The following ASAP1 variants were observed in gnomAD, a reference collection of about 807,000 sequenced individuals.
ASAP1 encodes the protein arf-GAP with SH3 domain, ANK repeat and PH domain-containing protein 1.
ASAP1 carries 43 observed loss-of-function variants against 145.2 expected under a neutral mutation model. The ratio of observed to expected loss-of-function variants is 0.30; its 90% CI spans 0.23 to 0.38. The LOEUF is 0.38. Ranked by LOEUF, ASAP1 falls within the 10% of genes least tolerant of loss-of-function variation. The pLI is 1.00. For synonymous variants in ASAP1, 546 were observed against 515.5 expected, an observed-to-expected ratio of 1.06 and a Z score of -0.80; for missense variants, 1,018 against 1,355.3, an observed-to-expected ratio of 0.75 and a Z score of 3.91.
At chr8:130,247,373 A>C (rs1433848819) in intron 3 of ASAP1, among the ~76,000 whole-genome samples, 2 of 152,184 alleles carry the variant, frequency 1.3e-5, no homozygotes, top group Non-Finnish European at 2.9e-5. Context: ...ACAGATAAGA[A>C]AATTGAACAT....
chr8:130,108,104 C>T (rs938774482), intron 24 of ASAP1, among the ~76,000 whole-genome samples: 1 of 152,226 alleles, frequency 6.6e-6, no homozygotes, highest in Non-Finnish European at 1.5e-5. Context: ...CCTTCAACAA[C>T]AAGCATCTAT....
chr8:130,426,388 A>G (rs1829917913), intron 1 of ASAP1, among the ~76,000 whole-genome samples: 2 of 151,726 alleles, frequency 1.3e-5, no homozygotes, highest in Non-Finnish European at 2.9e-5. Context: ...TAGCAGTGTG[A>G]GCATAAACTA....
At chr8:130,209,232 C>T (rs1468686597) in intron 5 of ASAP1, among the ~76,000 whole-genome samples, 1 of 152,114 alleles carries the variant, frequency 6.6e-6, no homozygotes, top group Non-Finnish European at 1.5e-5. Context: ...AGTACTTTCC[C>T]CATTCTACTA....
At chr8:130,205,859 G>C (rs991397408) in intron 5 of ASAP1, among the ~76,000 whole-genome samples, 28 of 152,084 alleles carry the variant, frequency 1.8e-4, no homozygotes, top group African/African-American at 6.3e-4. Context: ...TCTGAATTTT[G>C]AAACAAATCT....
At chr8:130,413,556 G>A (rs988486826) in intron 1 of ASAP1, among the ~76,000 whole-genome samples, 1 of 152,154 alleles carries the variant, frequency 6.6e-6, no homozygotes, top group Non-Finnish European at 1.5e-5. Context: ...GTATATCTAA[G>A]AAATGTTCAA....
At chr8:130,281,740 T>C (rs368552608) in intron 3 of ASAP1, among the ~76,000 whole-genome samples, 23 of 152,346 alleles carry the variant, frequency 1.5e-4, no homozygotes, top group Admixed American at 6.5e-4. Flanking sequence ...TTATATTACA[T>C]TGGTGCAAAA....
At chr8:130,325,239 G>A (rs1299911078) in intron 3 of ASAP1, among the ~76,000 whole-genome samples, 2 of 152,144 alleles carry the variant, frequency 1.3e-5, no homozygotes, top group African/African-American at 4.8e-5. Context: ...ACTAGGAGGA[G>A]AGCTGAACAA....
chr8:130,341,610 GTC>G (rs1825385880), intron 3 of ASAP1, among the ~76,000 whole-genome samples: 2 of 152,282 alleles, frequency 1.3e-5, no homozygotes, highest in East Asian at 3.9e-4. Context: ...CTCTTAAGTA[GTC>G]TCTGTTTCCA....
At chr8:130,229,523 C>T (rs1347219929) in intron 4 of ASAP1, among the ~76,000 whole-genome samples, 1 of 152,098 alleles carries the variant, frequency 6.6e-6, no homozygotes, top group Non-Finnish European at 1.5e-5. Context: ...GTTTAAGGCT[C>T]AAAGGTGGTC....
intron 1 of ASAP1, among the ~76,000 whole-genome samples, chr8:130,440,929 G>A (rs1258761451): frequency 6.6e-6 from 1 of 152,172 alleles, no homozygotes; most frequent in Non-Finnish European, 1.5e-5. Flanking sequence ...ATCTGTTAGA[G>A]GTTGTTTCTT....
At chr8:130,307,476 T>A (rs1210472474) in intron 3 of ASAP1, among the ~76,000 whole-genome samples, 1 of 152,176 alleles carries the variant, frequency 6.6e-6, no homozygotes, top group Non-Finnish European at 1.5e-5. Context: ...TTGTTCCTCC[T>A]CCAGTGATTC....
rs765983151 is a variant in ASAP1, at chr8:130,116,963, T to C, written c.1913A>G (p.Asn638Ser). ...CATACTACAGTAGTGTAGAACTGTG[T>C]TTCCCAGGGCCGTCTGCTTATCCAG... ...GNLDKQTALG[N>S]TVLHYCSMYS... Residue 638 changes from asparagine to serine, a missense_variant, in exon 21 of 30, where the codon AAC (asparagine) becomes AGC (serine). By Grantham distance (46) the Asn-to-Ser change is conservative (BLOSUM62 1). Transcript: ENST00000518721. 3 of 1,612,216 alleles carry C rather than the reference T, an allele frequency of 1.9e-6. No individual in the cohort carries two copies. In the South Asian group the frequency reaches 3.3e-5, roughly 18 times the overall value.
At chr8:130,182,233 T>G (rs889274112) in intron 7 of ASAP1, among the ~76,000 whole-genome samples, 4 of 152,236 alleles carry the variant, frequency 2.6e-5, no homozygotes, top group Non-Finnish European at 5.9e-5. Context: ...CATACATGTC[T>G]TTATTTCTTC....
In ASAP1 at chr8:130,188,202, G is replaced by T. The variant is rs768601961; in HGVS notation, c.406-19C>A. On this transcript the variant is annotated intron_variant, in intron 5 of 29. Coordinates refer to ENST00000518721, the MANE Select transcript of ASAP1 (RefSeq NM_018482.4). ...CCTGGAGCTGAAAAAGCAAAGGGAAGATGGGAGATGGTTAAAAAATAAAGT... is the reference window on the plus strand; with the variant it reads ...CCTGGAGCTGAAAAAGCAAAGGGAATATGGGAGATGGTTAAAAAATAAAGT... 14 of 1,588,830 alleles carry T rather than the reference G, an allele frequency of 8.8e-6. No individual in the cohort carries two copies. In the African/African-American group the frequency reaches 1.9e-4, roughly 21 times the overall value.
chr8:130,194,249 C>G (rs902224804), intron 5 of ASAP1, among the ~76,000 whole-genome samples: 2 of 151,896 alleles, frequency 1.3e-5, no homozygotes, highest in African/African-American at 4.8e-5. Context: ...ATTAAAAAAA[C>G]CAGCAACGAA....
At chr8:130,108,925 G>A (rs1305907816) in intron 24 of ASAP1, among the ~76,000 whole-genome samples, 2 of 151,756 alleles carry the variant, frequency 1.3e-5, no homozygotes, top group Non-Finnish European at 2.9e-5. Context: ...ACAGGCAGGC[G>A]CCACTACGCC....
At chr8:130,429,075 C>G (rs1830050100) in intron 1 of ASAP1, among the ~76,000 whole-genome samples, 1 of 152,196 alleles carries the variant, frequency 6.6e-6, no homozygotes, top group Non-Finnish European at 1.5e-5. Context: ...TGTCTTCTCC[C>G]TGTGTGCCTT....
intron 1 of ASAP1, among the ~76,000 whole-genome samples, chr8:130,425,460 T>C (rs937817473): frequency 1.3e-5 from 2 of 151,712 alleles, no homozygotes; most frequent in Admixed American, 1.3e-4. Context: ...GAGGTTGCAG[T>C]GAGCCGAGAT....
chr8:130,414,088 G>A (rs1453752258), intron 1 of ASAP1, among the ~76,000 whole-genome samples: 1 of 152,184 alleles, frequency 6.6e-6, no homozygotes, highest in Admixed American at 6.5e-5. Context: ...GCTTCATGGG[G>A]GACATAGTAG....
Sources: gnomAD v4.1 joint callset for allele counts (sites outside exome capture counted in the v4.1 genomes callset) on GRCh38, gnomAD v4.1.1 for gene constraint, MANE v1.5 for transcripts, NCBI Gene and HGNC (gene_info 2026-07-23, HGNC 2026-07-21) for gene names.